Variants in GBP5 observed in about 807,000 individuals in gnomAD.
The protein encoded by GBP5 is guanylate binding protein 5, also known as guanylate-binding protein 5.
In GBP5, 48 loss-of-function variants were observed where a neutral mutation model predicts 58.2. The observed-to-expected ratio is 0.83, with a 90% CI of 0.65 to 1.05. The LOEUF (loss-of-function observed/expected upper bound fraction) is 1.05, where lower values mean the gene tolerates loss of function less well. Among genes scored for constraint, GBP5 ranks in the 50% least tolerant of loss-of-function variants. The pLI is 0.00. For synonymous variants in GBP5, 248 were observed against 251.8 expected (o/e 0.98, Z 0.14); for missense variants, 714 against 686.8 (o/e 1.04, Z -0.44).
chr1:89,270,344 T>C (rs1650395369), intron 2 of GBP5: 1 of 152,228 alleles, frequency 6.6e-6, no homozygotes, highest in South Asian at 2.1e-4. Flanking sequence ...TGCCTTATCA[T>C]AAAGGATAGT....
chr1:89,270,288 G>A (rs1180608625), intron 2 of GBP5: 2 of 152,032 alleles, frequency 1.3e-5, no homozygotes, highest in South Asian at 2.1e-4. Flanking sequence ...AAATGTTTGA[G>A]CTATATGAGA....
chr1:89,266,335 A>G lies in GBP5; in HGVS notation c.868+11T>C, dbSNP rs1374416179. The G allele has an allele frequency of 6.2e-7, 1 of 1,607,012 alleles. No homozygotes were observed. The highest frequency in any genetic ancestry group is 1.3e-5 in the African/African-American group (1 of 74,802). ...ATTAAATTGAAGGAAAATCCTAAAAATAATACTCACGAGATCCATTGACCA... is the reference window on the plus strand; with the variant it reads ...ATTAAATTGAAGGAAAATCCTAAAAGTAATACTCACGAGATCCATTGACCA... On this transcript the variant is annotated intron_variant, in intron 7 of 11. Transcript: ENST00000370459.
Position 89,257,235 on chromosome 1 carries a change from C to T in GBP5, c.*3469G>A, listed in dbSNP as rs1034354219. Among the ~76,000 whole-genome samples, 1 of 152,140 alleles carries T rather than the reference C, an allele frequency of 6.6e-6. No individual in the cohort carries two copies. The highest frequency in any genetic ancestry group is 1.5e-5 in the Non-Finnish European group (1 of 68,038). Reference sequence around the variant, plus strand: ...GCAGAAGATGAAAGAGGAACAAAGGCACATCTTACATGGTGTCAGGCAAGA... The same window carrying T: ...GCAGAAGATGAAAGAGGAACAAAGGTACATCTTACATGGTGTCAGGCAAGA... On this transcript the variant is annotated 3_prime_UTR_variant, in exon 12 of 12. Coordinates refer to ENST00000370459, the MANE Select transcript of GBP5 (RefSeq NM_052942.5).
chr1:89,267,347 A>G, intron 5 of GBP5, 70 bp downstream of exon 5: 1 of 1,181,368 alleles, frequency 8.5e-7, no homozygotes, highest in Non-Finnish European at 1.3e-6. Context: ...ACAAGGTCTC[A>G]CAGACATGCA....
Position 89,259,258 on chromosome 1 carries a change from G to A in GBP5, c.*1446C>T, listed in dbSNP as rs1181027178. 6.6e-6 allele frequency: 1 copy of A among 152,198 alleles called. No homozygotes were observed. The highest frequency in any genetic ancestry group is 1.5e-5 in the Non-Finnish European group (1 of 68,032). 9.4% of individuals were successfully genotyped at this position (152,198 alleles called of 1,614,324 possible). ...GCCCTATTTAAGTTGTGCTCTTGGT[G>A]AGGGTGAACAGAAAAGAAAAGGCTT... On this transcript the variant is annotated 3_prime_UTR_variant, in exon 12 of 12. Coordinates refer to ENST00000370459, the MANE Select transcript of GBP5 (RefSeq NM_052942.5).
At position 89,257,448 on chromosome 1, in the gene GBP5, G is replaced by A. The variant is rs1239396739; in HGVS notation, c.*3256C>T. Among the ~76,000 whole-genome samples, 10 of 152,250 alleles carry A rather than the reference G, an allele frequency of 6.6e-5. No homozygotes were observed. In the South Asian group the frequency reaches 8.3e-4, roughly 13 times the overall value. On this transcript the variant is annotated 3_prime_UTR_variant, in exon 12 of 12. Transcript: ENST00000370459. ...AGATTTGAGTGGACACAGCCAAACC[G>A]TATCACTAAGCAAGATAAGAAAGTA...
chr1:89,269,574 C>A lies in GBP5; in HGVS notation c.-19G>T. The A allele has an allele frequency of 6.3e-7, 1 of 1,594,752 alleles. No homozygotes were observed. ...AAGCCATGTCTAGGATGTTACTTTG[C>A]CTGCAAGGGAACAGATGGGATAGGC... On this transcript the variant is annotated splice_region_variant and 5_prime_UTR_variant, in exon 3 of 12. Coordinates refer to ENST00000370459, the MANE Select transcript of GBP5 (RefSeq NM_052942.5).
Position 89,260,832 on chromosome 1 carries a change from A to G in GBP5, c.1648-15T>C. On this transcript the variant is annotated splice_polypyrimidine_tract_variant and intron_variant, in intron 11 of 11. Transcript: ENST00000370459. ...GCAGCCTGTTCCTAAAGAGTGATAA[A>G]TAGAAAGTAAGATCAAGCTTCTTAC... The G allele has an allele frequency of 6.3e-7, 1 of 1,589,452 alleles. No homozygotes were observed. Among genetic ancestry groups the G allele is most frequent in the Non-Finnish European group, 8.6e-7 (1 of 1,157,786 alleles).
Position 89,269,456 on chromosome 1 carries a change from T to C in GBP5, c.100A>G (p.Ile34Val). The C allele has an allele frequency of 1.2e-6, 2 of 1,614,144 alleles. No individual in the cohort carries two copies. The highest frequency in any genetic ancestry group is 8.5e-7 in the Non-Finnish European group (1 of 1,179,992). The change falls in exon 3 of 12, where the codon ATT (isoleucine) becomes GTT (valine). Residue 34 changes from isoleucine to valine, a missense_variant. Coordinates refer to ENST00000370459, the MANE Select transcript of GBP5 (RefSeq NM_052942.5). ...NQEALEILSA[I>V]TQPVVVVAIV... ...GCTACCACAACTACAGGTTGCGTAATGGCAGACAGGATCTCCAAAGCTTCC... is the reference window on the plus strand; with the variant it reads ...GCTACCACAACTACAGGTTGCGTAACGGCAGACAGGATCTCCAAAGCTTCC...
At chr1:89,269,249 A>G in intron 3 of GBP5, 117 bp downstream of exon 3, 1 of 1,026,342 alleles carries the variant, frequency 9.7e-7, no homozygotes, top group Non-Finnish European at 1.5e-6. Context: ...GCTGTAGCCT[A>G]AACATTGGCT....
At chr1:89,263,496 G>C (rs927479854) in intron 9 of GBP5, 1 of 403,890 alleles carries the variant, frequency 2.5e-6, no homozygotes, top group East Asian at 3.7e-5. Context: ...AAGCAAGTCT[G>C]GTGATTATGG....
At chr1:89,263,606 A>G in intron 9 of GBP5, 130 bp downstream of exon 9, 1 of 624,400 alleles carries the variant, frequency 1.6e-6, no homozygotes, top group Non-Finnish European at 2.9e-6. Flanking sequence ...CTTATTCAAG[A>G]AAAGGATTAC....
chr1:89,265,586 G>A (rs1244285184), intron 7 of GBP5, among the ~76,000 whole-genome samples: 2 of 151,716 alleles, frequency 1.3e-5, no homozygotes, highest in African/African-American at 2.4e-5. Context: ...AAATTAGCCA[G>A]GTGTGGTGGC....
intron 7 of GBP5, 99 bp from the exon 8 acceptor site, chr1:89,265,065 G>C: frequency 8.3e-7 from 1 of 1,198,032 alleles, no homozygotes; most frequent in Admixed American, 2.2e-5. Flanking sequence ...TGCATTGCCT[G>C]AAATTGTTTA....
intron 7 of GBP5, among the ~76,000 whole-genome samples, chr1:89,265,168 CTG>C (rs1364349170): frequency 6.6e-6 from 1 of 152,086 alleles, no homozygotes; most frequent in African/African-American, 2.4e-5. Flanking sequence ...GGAAAGGAAA[CTG>C]TGTTCAAATA....
At chr1:89,261,373 C>T (rs147434035) in intron 11 of GBP5, among the ~76,000 whole-genome samples, 29 of 152,290 alleles carry the variant, frequency 1.9e-4, no homozygotes, top group African/African-American at 7.0e-4. Flanking sequence ...TACCTACAAA[C>T]TGGCAAGCCA....
chr1:89,265,483 G>A (rs1650171443), intron 7 of GBP5, among the ~76,000 whole-genome samples: 1 of 151,554 alleles, frequency 6.6e-6, no homozygotes, highest in South Asian at 2.1e-4. Context: ...AAAGTGCAAA[G>A]TTTGGGAGGC....
intron 11 of GBP5, among the ~76,000 whole-genome samples, chr1:89,261,471 T>C (rs1347338685): frequency 3.3e-5 from 5 of 152,154 alleles, no homozygotes; most frequent in Admixed American, 6.5e-5. Context: ...ACACTGCAGA[T>C]TCCACTCATT....
chr1:89,262,183 T>C, intron 11 of GBP5, 37 bp downstream of exon 11: 1 of 1,600,554 alleles, frequency 6.2e-7, no homozygotes, highest in East Asian at 2.2e-5. Flanking sequence ...ACTCTCATCG[T>C]TACAGGCAGG....
Sources: gnomAD v4.1 joint callset for allele counts (sites outside exome capture counted in the v4.1 genomes callset) on GRCh38, gnomAD v4.1.1 for gene constraint, MANE v1.5 for transcripts, NCBI Gene and HGNC (gene_info 2026-07-23, HGNC 2026-07-21) for gene names.